The following SPIN1 variants were observed in gnomAD, a reference collection of about 807,000 sequenced individuals.
The protein encoded by SPIN1 is spindlin-1.
A neutral mutation model predicts 26.0 loss-of-function variants in SPIN1; 3 were observed. The ratio of observed to expected loss-of-function variants is 0.12; its 90% CI spans 0.05 to 0.30. SPIN1 has a LOEUF of 0.30. Ranked by LOEUF, SPIN1 falls within the 10% of genes least tolerant of loss-of-function variation. SPIN1 has a pLI of 1.00. For missense variants in SPIN1, 126 were observed against 333.4 expected (o/e 0.38, Z 4.84); for synonymous variants, 101 against 116.5 (o/e 0.87, Z 0.86).
intron 2 of SPIN1, among the ~76,000 whole-genome samples, chr9:88,441,993 C>T (rs1205943509): frequency 2.0e-5 from 3 of 148,222 alleles, no homozygotes; most frequent in Non-Finnish European, 4.5e-5. Flanking sequence ...GCTCTGTCAC[C>T]CAGCCTGGAG....
intron 1 of SPIN1, among the ~76,000 whole-genome samples, chr9:88,402,770 G>T (rs1424221928): frequency 6.6e-6 from 1 of 152,130 alleles, no homozygotes; most frequent in Non-Finnish European, 1.5e-5. Flanking sequence ...TGGTAAACAG[G>T]TGAGTGTATG....
intron 1 of SPIN1, among the ~76,000 whole-genome samples, chr9:88,408,174 G>T (rs985096122): frequency 6.6e-6 from 1 of 151,464 alleles, no homozygotes; most frequent in African/African-American, 2.4e-5. Context: ...ATCCTGCTTG[G>T]AATTCTTAGG....
chr9:88,452,745 T>A (rs1325120812), intron 3 of SPIN1, among the ~76,000 whole-genome samples: 2 of 152,240 alleles, frequency 1.3e-5, no homozygotes, highest in African/African-American at 4.8e-5. Context: ...ATGGAACTTT[T>A]ATTGAATAAC....
At chr9:88,467,773 C>T (rs1828699527) in intron 4 of SPIN1, among the ~76,000 whole-genome samples, 1 of 147,626 alleles carries the variant, frequency 6.8e-6, no homozygotes, top group Non-Finnish European at 1.5e-5. Context: ...ATTGTAGGAG[C>T]AAGAGAGTAA....
At chr9:88,413,861 A>G (rs1564026263) in intron 1 of SPIN1, among the ~76,000 whole-genome samples, 1 of 152,282 alleles carries the variant, frequency 6.6e-6, no homozygotes, top group East Asian at 1.9e-4. Flanking sequence ...ATAGGTTTTC[A>G]CAAGACTGCC....
intron 1 of SPIN1, among the ~76,000 whole-genome samples, chr9:88,405,713 A>G (rs766372854): frequency 5.3e-5 from 8 of 151,602 alleles, no homozygotes; most frequent in South Asian, 2.1e-4. Flanking sequence ...AGCCTGTACT[A>G]TACTTTTGTA....
chr9:88,404,857 A>C (rs1827261337), intron 1 of SPIN1, among the ~76,000 whole-genome samples: 1 of 150,166 alleles, frequency 6.7e-6, no homozygotes, highest in African/African-American at 2.4e-5. Context: ...CAGAGGTTGC[A>C]GTGAGCCGAG....
rs562461032 is a variant in SPIN1, at chr9:88,416,177, A to G, written c.-158-10205A>G. Among the ~76,000 whole-genome samples, 22 of 152,310 alleles carry G rather than the reference A, an allele frequency of 1.4e-4. 2 individuals carry two copies. Among genetic ancestry groups the G allele is most frequent in the African/African-American group, 4.8e-4 (20 of 41,576 alleles). On this transcript the variant is annotated intron_variant, in intron 1 of 5. Coordinates refer to ENST00000375859, the MANE Select transcript of SPIN1 (RefSeq NM_006717.3). ...TGACCCTAAATTTTTGTTGTGAAAC[A>G]TTTCTAACATAGAAAAGTTGAAACA...
At chr9:88,392,708 G>A (rs1415737167) in intron 1 of SPIN1, among the ~76,000 whole-genome samples, 2 of 151,860 alleles carry the variant, frequency 1.3e-5, no homozygotes, top group South Asian at 2.1e-4. Context: ...GTGTGTTTAT[G>A]TATAGCAGGG....
At chr9:88,462,917 T>A (rs1212044078) in intron 4 of SPIN1, among the ~76,000 whole-genome samples, 168 bp downstream of exon 4, 1 of 152,154 alleles carries the variant, frequency 6.6e-6, no homozygotes, top group East Asian at 1.9e-4. Flanking sequence ...TCCTAAGCAG[T>A]TCAAGGAACT....
chr9:88,444,422 TC>T (rs1828202652), intron 2 of SPIN1, among the ~76,000 whole-genome samples: 1 of 151,178 alleles, frequency 6.6e-6, no homozygotes. Flanking sequence ...TTTTGTATTT[TC>T]TAGTAGAGAC....
At chr9:88,461,373 T>A (rs2099432324) in intron 3 of SPIN1, among the ~76,000 whole-genome samples, 1 of 152,154 alleles carries the variant, frequency 6.6e-6, no homozygotes. Context: ...CCCCCTTGCT[T>A]AGTTTTTCAC....
intron 1 of SPIN1, among the ~76,000 whole-genome samples, chr9:88,417,868 C>T (rs1228818344): frequency 6.6e-6 from 1 of 152,200 alleles, no homozygotes; most frequent in Non-Finnish European, 1.5e-5. Context: ...TTGCTAGAAT[C>T]ACTCACAGAA....
chr9:88,444,694 T>C (rs576398970), intron 2 of SPIN1, among the ~76,000 whole-genome samples: 5 of 143,872 alleles, frequency 3.5e-5, no homozygotes, highest in African/African-American at 1.3e-4. Context: ...TTCTTTTCTT[T>C]TTTTTTTTTT....
chr9:88,449,852 A>G (rs1052036428), intron 3 of SPIN1, among the ~76,000 whole-genome samples: 13 of 152,140 alleles, frequency 8.5e-5, no homozygotes, highest in Non-Finnish European at 1.6e-4. Flanking sequence ...CCCCCAAAAT[A>G]TTTATATTGA....
At chr9:88,414,797 TA>T (rs1401070071) in intron 1 of SPIN1, among the ~76,000 whole-genome samples, 1 of 152,254 alleles carries the variant, frequency 6.6e-6, no homozygotes, top group Non-Finnish European at 1.5e-5. Flanking sequence ...AAGATGAAGA[TA>T]AAATTTTTTC....
At chr9:88,427,188 T>C (rs1827779503) in intron 2 of SPIN1, among the ~76,000 whole-genome samples, 1 of 152,186 alleles carries the variant, frequency 6.6e-6, no homozygotes, top group African/African-American at 2.4e-5. Context: ...TTCTTCTCCA[T>C]TTCAGACATA....
intron 1 of SPIN1, among the ~76,000 whole-genome samples, chr9:88,424,668 C>G (rs996604588): frequency 1.3e-5 from 2 of 152,104 alleles, no homozygotes; most frequent in African/African-American, 4.8e-5. Context: ...CTAGAATGAT[C>G]AGAGATGGTT....
At chr9:88,392,605 C>CTCCTTCCTTCCTTCTT (rs919774444) in intron 1 of SPIN1, among the ~76,000 whole-genome samples, 31 of 151,902 alleles carry the variant, frequency 2.0e-4, no homozygotes, top group African/African-American at 6.5e-4. Flanking sequence ...CCTTCCTTCC[C>CTCCTTCCTTCCTTCTT]TCCTTCCTTC....
Sources: allele counts gnomAD v4.1 joint callset (sites outside exome capture counted in the v4.1 genomes callset), GRCh38; gene constraint gnomAD v4.1.1; transcripts MANE v1.5; gene names NCBI Gene and HGNC (gene_info 2026-07-23, HGNC 2026-07-21).